PCP4L1: variants seen among roughly 807,000 people sequenced by gnomAD.
PCP4L1 encodes Purkinje cell protein 4-like protein 1.
In PCP4L1, 9 loss-of-function variants were observed where a neutral mutation model predicts 9.6. The observed-to-expected ratio is 0.94, with a 90% CI of 0.57 to 1.64. PCP4L1 has a LOEUF of 1.64. Ranked by LOEUF, PCP4L1 falls within the 40% of genes most tolerant of loss-of-function variation. The pLI is 0.00. For missense variants in PCP4L1, 81 were observed against 80.8 expected, an observed-to-expected ratio of 1.00 and a Z score of -0.01; for synonymous variants, 31 against 28.2, an observed-to-expected ratio of 1.10 and a Z score of -0.31.
At chr1:161,271,535 G>T (rs1669625611) in intron 1 of PCP4L1, among the ~76,000 whole-genome samples, 1 of 151,784 alleles carries the variant, frequency 6.6e-6, no homozygotes. Context: ...ACAGAGTCTT[G>T]CTCTGTCGCC....
chr1:161,269,188 C>A (rs1669582647), intron 1 of PCP4L1, among the ~76,000 whole-genome samples: 1 of 151,862 alleles, frequency 6.6e-6, no homozygotes, highest in African/African-American at 2.4e-5. Context: ...GTAGCCTAGA[C>A]ATAAACAAAT....
intron 1 of PCP4L1, among the ~76,000 whole-genome samples, chr1:161,261,991 ATTCTG>A (rs1429406443): frequency 1.3e-5 from 2 of 152,194 alleles, no homozygotes; most frequent in Non-Finnish European, 2.9e-5. Context: ...GAGTGATACT[ATTCTG>A]TTATGTCTCC....
intron 1 of PCP4L1, among the ~76,000 whole-genome samples, chr1:161,269,825 C>T (rs186699455): frequency 1.3e-5 from 2 of 152,050 alleles, no homozygotes; most frequent in Admixed American, 1.3e-4. Context: ...ATGGCAAAAA[C>T]CCATCTCTAC....
At chr1:161,267,194 G>T (rs549680888) in intron 1 of PCP4L1, among the ~76,000 whole-genome samples, 2 of 152,288 alleles carry the variant, frequency 1.3e-5, no homozygotes, top group East Asian at 3.9e-4. Context: ...AGGTTTCTCT[G>T]CCTTGGACTG....
In PCP4L1 at chr1:161,258,994, C is replaced by T; in HGVS notation, c.9+11C>T. 2 of 1,531,614 alleles carry T rather than the reference C, an allele frequency of 1.3e-6. No homozygotes were observed. Among genetic ancestry groups the T allele is most frequent in the Non-Finnish European group, 1.7e-6 (2 of 1,144,950 alleles). The allele number at this position is 1,531,614 out of a possible 1,614,324, so 94.9% of individuals were successfully genotyped here. ...GCGGAGATGAGCGAGGTGAGCGGTG[C>T]GGCCCCCGGCGCTGTCGGCAGGGCT... On this transcript the variant is annotated intron_variant, in intron 1 of 2. Transcript: ENST00000504449.
chr1:161,278,923 C>T (rs1018533206), intron 1 of PCP4L1, among the ~76,000 whole-genome samples: 2 of 152,150 alleles, frequency 1.3e-5, no homozygotes, highest in Admixed American at 6.5e-5. Flanking sequence ...GCTGGGACCA[C>T]AAGTGCACGC....
intron 1 of PCP4L1, among the ~76,000 whole-genome samples, chr1:161,282,729 C>T (rs1669844026): frequency 6.6e-6 from 1 of 152,170 alleles, no homozygotes; most frequent in Non-Finnish European, 1.5e-5. Flanking sequence ...TTTTCTACAT[C>T]TCAGGAAACG....
At chr1:161,276,681 T>TAA (rs11312983) in intron 1 of PCP4L1, among the ~76,000 whole-genome samples, 3 of 139,616 alleles carry the variant, frequency 2.1e-5, no homozygotes, top group Admixed American at 7.2e-5. Flanking sequence ...ACTTATCTCT[T>TAA]AAAAAAAAAA....
intron 1 of PCP4L1, among the ~76,000 whole-genome samples, chr1:161,273,490 G>A (rs1472206818): frequency 1.3e-5 from 2 of 152,224 alleles, no homozygotes; most frequent in Middle Eastern, 3.4e-3. Context: ...GAGGCTGAAC[G>A]AACCAAGCTC....
intron 1 of PCP4L1, among the ~76,000 whole-genome samples, chr1:161,282,914 C>G (rs71639054): frequency 2.6e-5 from 4 of 152,082 alleles, no homozygotes; most frequent in Non-Finnish European, 5.9e-5. Flanking sequence ...AAGCTACCAT[C>G]GTCTCTTGCT....
chr1:161,260,222 AG>A (rs757400318), intron 1 of PCP4L1, among the ~76,000 whole-genome samples: 5 of 152,204 alleles, frequency 3.3e-5, no homozygotes, highest in Admixed American at 6.5e-5. Flanking sequence ...GTTGTCACCC[AG>A]GGAGCTAATT....
intron 1 of PCP4L1, among the ~76,000 whole-genome samples, chr1:161,278,742 ACTCT>A (rs576008398): frequency 9.9e-5 from 15 of 151,646 alleles, no homozygotes; most frequent in South Asian, 4.2e-4. Flanking sequence ...CATTTCTTAT[ACTCT>A]CTCCCTTACA....
intron 1 of PCP4L1, among the ~76,000 whole-genome samples, chr1:161,281,770 GC>G (rs1669814168): frequency 3.7e-5 from 1 of 27,266 alleles, no homozygotes; most frequent in Non-Finnish European, 5.6e-5. Context: ...GGGCAGAGGC[GC>G]TCCTCACATC....
At chr1:161,282,109 G>A (rs1669830402) in intron 1 of PCP4L1, among the ~76,000 whole-genome samples, 1 of 152,190 alleles carries the variant, frequency 6.6e-6, no homozygotes, top group Admixed American at 6.5e-5. Flanking sequence ...TGAGCACTGA[G>A]TGAACAAGAC....
chr1:161,274,114 T>C (rs562770691), intron 1 of PCP4L1, among the ~76,000 whole-genome samples: 1 of 152,286 alleles, frequency 6.6e-6, no homozygotes, highest in South Asian at 2.1e-4. Context: ...TCATTCAACG[T>C]GTTAGTGTTT....
chr1:161,280,093 C>T (rs1205653517), intron 1 of PCP4L1, among the ~76,000 whole-genome samples: 2 of 152,190 alleles, frequency 1.3e-5, no homozygotes, highest in Admixed American at 6.5e-5. Flanking sequence ...TATCACTGTT[C>T]CTTAGTCCAT....
chr1:161,260,745 G>A (rs2102229355), intron 1 of PCP4L1, among the ~76,000 whole-genome samples: 1 of 152,300 alleles, frequency 6.6e-6, no homozygotes, highest in African/African-American at 2.4e-5. Context: ...GCTGAATTTG[G>A]TTAGCCTTCA....
chr1:161,268,543 C>T, intron 1 of PCP4L1, among the ~76,000 whole-genome samples: 1 of 133,254 alleles, frequency 7.5e-6, no homozygotes, highest in African/African-American at 2.8e-5. Flanking sequence ...TTCTCTGGTT[C>T]CTTTTACCTT....
chr1:161,260,718 T>G lies in PCP4L1; in HGVS notation c.9+1735T>G, dbSNP rs146109123. ...TGTTTGAGGAGAAAGCCAAGTCCGCTCCCTCCTGACTCAGCAGCTGAATTT... is the reference window on the plus strand; with the variant it reads ...TGTTTGAGGAGAAAGCCAAGTCCGCGCCCTCCTGACTCAGCAGCTGAATTT... On this transcript the variant is annotated intron_variant, in intron 1 of 2. Coordinates refer to ENST00000504449, the MANE Select transcript of PCP4L1 (RefSeq NM_001102566.2). 5.3e-3 allele frequency among the ~76,000 whole-genome samples: 801 copies of G among 152,242 alleles called. 8 individuals carry two copies. Among genetic ancestry groups the G allele is most frequent in the African/African-American group, 0.018 (755 of 41,542 alleles).
Sources: allele counts gnomAD v4.1 joint callset (sites outside exome capture counted in the v4.1 genomes callset), GRCh38; gene constraint gnomAD v4.1.1; transcripts MANE v1.5; gene names NCBI Gene and HGNC (gene_info 2026-07-23, HGNC 2026-07-21).